Variants in TTLL1 observed in about 807,000 individuals in gnomAD.
TTLL1 encodes TTL family tubulin polyglutamylase complex subunit L1, also known as polyglutamylase complex subunit TTLL1.
A neutral mutation model predicts 47.8 loss-of-function variants in TTLL1; 33 were observed. The observed-to-expected ratio is 0.69, with a 90% CI of 0.52 to 0.92. TTLL1 has a LOEUF of 0.92. Ranked by LOEUF, TTLL1 falls within the 40% of genes least tolerant of loss-of-function variation. The pLI is 0.00. For synonymous variants in TTLL1, 225 were observed against 214.1 expected (o/e 1.05, Z -0.45); for missense variants, 488 against 547.5 (o/e 0.89, Z 1.08).
intron 5 of TTLL1, among the ~76,000 whole-genome samples, chr22:43,066,354 G>A (rs1927736257): frequency 6.6e-6 from 1 of 151,966 alleles, no homozygotes; most frequent in African/African-American, 2.4e-5. Flanking sequence ...GCAAGCAGCT[G>A]CAGGACAGTC....
chr22:43,053,729 A>G (rs1028749874), intron 8 of TTLL1, among the ~76,000 whole-genome samples: 2 of 152,240 alleles, frequency 1.3e-5, no homozygotes, highest in African/African-American at 4.8e-5. Flanking sequence ...AACTGAATAA[A>G]TAAATTCCTG....
chr22:43,067,264 CAT>C (rs1378184466), intron 5 of TTLL1, among the ~76,000 whole-genome samples: 2 of 152,358 alleles, frequency 1.3e-5, no homozygotes, highest in Middle Eastern at 3.4e-3. Context: ...TCATATTTCA[CAT>C]GTGTTAACTC....
intron 1 of TTLL1, among the ~76,000 whole-genome samples, chr22:43,082,006 C>G (rs578142594): frequency 4.6e-5 from 7 of 151,926 alleles, no homozygotes; most frequent in African/African-American, 7.3e-5. Context: ...TACATGCCCC[C>G]GCGCCTGGCT....
chr22:43,060,933 C>T (rs1229378463), intron 7 of TTLL1, among the ~76,000 whole-genome samples: 4 of 152,140 alleles, frequency 2.6e-5, no homozygotes, highest in Admixed American at 1.3e-4. Flanking sequence ...CGGTGGCTCA[C>T]GCCTGTAATC....
chr22:43,044,488 C>T (rs1469046702), intron 10 of TTLL1, among the ~76,000 whole-genome samples: 1 of 152,118 alleles, frequency 6.6e-6, no homozygotes, highest in Non-Finnish European at 1.5e-5. Flanking sequence ...AGCCTGACGT[C>T]TCTGTGTGTG....
At chr22:43,063,966 AAG>A in intron 6 of TTLL1, 45 bp from the exon 7 acceptor site, 14 of 1,582,792 alleles carry the variant, frequency 8.8e-6, no homozygotes, top group Non-Finnish European at 1.1e-5. Context: ...GAGAAACAAA[AAG>A]AAAAGACACC....
intron 5 of TTLL1, among the ~76,000 whole-genome samples, chr22:43,068,036 G>A (rs111754122): frequency 1.7e-3 from 237 of 135,544 alleles, no homozygotes; most frequent in African/African-American, 5.8e-3. Flanking sequence ...GGCTGGTCTT[G>A]ATCTCCTGAC....
chr22:43,067,211 C>CTCGGCTGTGCCCA (rs1009310201), intron 5 of TTLL1, among the ~76,000 whole-genome samples: 15 of 152,228 alleles, frequency 9.9e-5, no homozygotes, highest in African/African-American at 2.7e-4. Flanking sequence ...CCACCACTTG[C>CTCGGCTGTGCCCA]TCGGCTGTGC....
chr22:43,041,057 A>T (rs1168156649), intron 10 of TTLL1, among the ~76,000 whole-genome samples: 2 of 151,958 alleles, frequency 1.3e-5, no homozygotes, highest in African/African-American at 4.8e-5. Flanking sequence ...TATCCTCCCA[A>T]CTCGGGCGGC....
At chr22:43,084,652 C>T (rs866908665) in intron 1 of TTLL1, among the ~76,000 whole-genome samples, 2 of 152,266 alleles carry the variant, frequency 1.3e-5, no homozygotes, top group Middle Eastern at 3.4e-3. Context: ...CAGGCGCCCG[C>T]CACCACGCCC....
At chr22:43,045,980 G>T (rs1005171904) in intron 10 of TTLL1, among the ~76,000 whole-genome samples, 1 of 152,170 alleles carries the variant, frequency 6.6e-6, no homozygotes, top group African/African-American at 2.4e-5. Flanking sequence ...CAGCACTTTG[G>T]GAGGCCGAGG....
chr22:43,057,591 C>A (rs1462034183), intron 8 of TTLL1, among the ~76,000 whole-genome samples: 2 of 152,176 alleles, frequency 1.3e-5, no homozygotes, highest in Admixed American at 1.3e-4. Flanking sequence ...TCCCACCACA[C>A]ACACACTCCA....
At chr22:43,065,364 A>T (rs1474826312) in intron 5 of TTLL1, among the ~76,000 whole-genome samples, 2 of 151,742 alleles carry the variant, frequency 1.3e-5, no homozygotes, top group Non-Finnish European at 2.9e-5. Flanking sequence ...ATCTTGGCTC[A>T]CTGCAACCTC....
At chr22:43,076,711 A>G (rs9608001) in intron 2 of TTLL1, among the ~76,000 whole-genome samples, 1 of 151,760 alleles carries the variant, frequency 6.6e-6, no homozygotes, top group Non-Finnish European at 1.5e-5. Context: ...AGATTGCGCC[A>G]CTGCACCCCA....
chr22:43,083,503 T>G (rs1031251361), intron 1 of TTLL1, among the ~76,000 whole-genome samples: 12 of 152,248 alleles, frequency 7.9e-5, no homozygotes, highest in Non-Finnish European at 1.2e-4. Context: ...AAGGCCGAGA[T>G]GGGCGGGTCA....
chr22:43,050,186 G>A (rs1372027367), intron 9 of TTLL1, among the ~76,000 whole-genome samples: 1 of 152,120 alleles, frequency 6.6e-6, no homozygotes, highest in Non-Finnish European at 1.5e-5. Context: ...GGGAGGCCGA[G>A]GTGGGCAGAT....
intron 3 of TTLL1, among the ~76,000 whole-genome samples, chr22:43,071,330 T>C (rs571590705): frequency 6.6e-6 from 1 of 152,218 alleles, no homozygotes; most frequent in Admixed American, 6.6e-5. Context: ...CCTTTATTTA[T>C]CAGTTTTTCA....
At chr22:43,067,415 G>T (rs1927810475) in intron 5 of TTLL1, among the ~76,000 whole-genome samples, 1 of 152,186 alleles carries the variant, frequency 6.6e-6, no homozygotes, top group Admixed American at 6.5e-5. Context: ...TCAAACCCAG[G>T]ACCCTAGGGC....
In TTLL1 at chr22:43,045,803, G is replaced by A. The variant is rs576134245; in HGVS notation, c.1142+607C>T. On this transcript the variant is annotated intron_variant, in intron 10 of 10. Transcript: ENST00000266254. ...CCCAGCCTACTCCAGCTATCCCAGC[G>A]GCCAAGCACTCCACCCAGCCTGCTC... Among the ~76,000 whole-genome samples, 6 of 152,038 alleles carry A rather than the reference G, an allele frequency of 3.9e-5. No homozygotes were observed. In the East Asian group the frequency reaches 5.8e-4, roughly 15 times the overall value.
Sources: allele counts gnomAD v4.1 joint callset (sites outside exome capture counted in the v4.1 genomes callset), GRCh38; gene constraint gnomAD v4.1.1; transcripts MANE v1.5; gene names NCBI Gene and HGNC (gene_info 2026-07-23, HGNC 2026-07-21).